RNF2: variants seen among roughly 807,000 people sequenced by gnomAD.
RNF2 encodes the protein ring finger protein 2.
Under a neutral mutation model 37.2 loss-of-function variants are expected in RNF2, and 6 were observed. The ratio of observed to expected loss-of-function variants is 0.16; its 90% CI spans 0.09 to 0.32. RNF2 has a LOEUF of 0.32. RNF2 is among the 10% of genes least tolerant of loss of function. The probability of loss-of-function intolerance (pLI) is 1.00; values close to 1 mark genes in which losing one functional copy is unlikely to be tolerated. For synonymous variants in RNF2, 133 were observed against 132.7 expected (o/e 1.00, Z -0.02); for missense variants, 251 against 404.0 (o/e 0.62, Z 3.25).
chr1:185,100,005 T>A (rs766497806), intron 6 of RNF2, 43 bp downstream of exon 6: 7 of 1,557,920 alleles, frequency 4.5e-6, no homozygotes, highest in Non-Finnish European at 5.3e-6. Flanking sequence ...GGGAGCACAC[T>A]GACCAACTAA....
Position 185,099,705 on chromosome 1 carries a change from A to G in RNF2, c.738-86A>G, listed in dbSNP as rs139575368. The G allele has an allele frequency of 4.0e-5, 45 of 1,112,192 alleles. No homozygotes were observed. The African/African-American group carries it at 7.2e-4, about 18-fold the overall frequency. The allele number at this position is 1,112,192 out of a possible 1,614,324, so 68.9% of individuals were successfully genotyped here. ...GACATTGCCATTTTACTTAGTTTTT[A>G]AGAAATGTATTAGTTCCATAATTTA... On this transcript the variant is annotated intron_variant, in intron 5 of 6. Transcript: ENST00000367510.
chr1:185,096,729 A>C (rs1047414618), intron 4 of RNF2, among the ~76,000 whole-genome samples: 1 of 152,058 alleles, frequency 6.6e-6, no homozygotes, highest in African/African-American at 2.4e-5. Context: ...TTAGGACTGA[A>C]TAATCCATTG....
rs72637296 is a variant in RNF2 at position 185,067,600 on chromosome 1, A to G, written c.-2-19952A>G. Among the ~76,000 whole-genome samples the G allele has an allele frequency of 3.4e-3, 512 of 152,288 alleles. 22 individuals carry two copies. The East Asian group carries it at 0.088, about 26-fold the overall frequency. On this transcript the variant is annotated intron_variant, in intron 1 of 6. Transcript: ENST00000367510. ...AACATATCTCATTAAAAGAGAGAGA[A>G]GGCATCTTAGTTTTTCTTTGTTTCA...
intron 1 of RNF2, among the ~76,000 whole-genome samples, chr1:185,054,695 A>G (rs1209532163): frequency 6.6e-6 from 1 of 151,980 alleles, no homozygotes; most frequent in African/African-American, 2.4e-5. Context: ...GTTTTTTAAA[A>G]TTTTTTATTA....
At chr1:185,100,163 G>T in intron 6 of RNF2, 37 bp from the exon 7 acceptor site, 1 of 1,466,560 alleles carries the variant, frequency 6.8e-7, no homozygotes, top group Non-Finnish European at 9.3e-7. Flanking sequence ...TGTGGTTTGT[G>T]CAGTTTTCAT....
chr1:185,046,307 CAGG>C lies in RNF2; in HGVS notation c.-3+664_-3+666del, dbSNP rs1437375066. 5.2e-5 allele frequency: 8 copies of C among 152,412 alleles called. No homozygotes were observed. In the East Asian group the frequency reaches 1.4e-3, roughly 26 times the overall value. 9.4% of individuals were successfully genotyped at this position (152,412 alleles called of 1,614,324 possible). On this transcript the variant is annotated intron_variant, in intron 1 of 6. Transcript: ENST00000367510. ...TGCTTTCTAAAACCGTGAGCTTACCCAGGAGGAGTCGTGGGGGGAGGGGGTGTC... is the reference window on the plus strand; with the variant it reads ...TGCTTTCTAAAACCGTGAGCTTACCCAGGAGTCGTGGGGGGAGGGGGTGTC...
chr1:185,067,973 T>G (rs1392771160), intron 1 of RNF2, among the ~76,000 whole-genome samples: 1 of 149,222 alleles, frequency 6.7e-6, no homozygotes, highest in Non-Finnish European at 1.5e-5. Flanking sequence ...CCTTCCAAAG[T>G]GCTGGGATTA....
chr1:185,061,440 A>G (rs888163821), intron 1 of RNF2, among the ~76,000 whole-genome samples: 2 of 152,082 alleles, frequency 1.3e-5, no homozygotes, highest in African/African-American at 4.8e-5. Flanking sequence ...AACAAAAAAA[A>G]ACACACAAGA....
At chr1:185,079,887 G>A (rs543494201) in intron 1 of RNF2, among the ~76,000 whole-genome samples, 8 of 151,720 alleles carry the variant, frequency 5.3e-5, no homozygotes, top group Admixed American at 1.3e-4. Context: ...CTGAGATCGC[G>A]CCACTGCACT....
At chr1:185,071,151 C>G (rs188533849) in intron 1 of RNF2, among the ~76,000 whole-genome samples, 44 of 152,218 alleles carry the variant, frequency 2.9e-4, no homozygotes, top group African/African-American at 1.1e-3. Context: ...CTCAGTAAAT[C>G]TATACTTTAC....
At chr1:185,099,017 TGGGATTA>T (rs1219547651) in intron 5 of RNF2, among the ~76,000 whole-genome samples, 1 of 150,772 alleles carries the variant, frequency 6.6e-6, no homozygotes, top group Admixed American at 6.6e-5. Flanking sequence ...CCCAAAGTGC[TGGGATTA>T]TAGGCCCAAG....
chr1:185,075,194 G>T (rs926353122), intron 1 of RNF2, among the ~76,000 whole-genome samples: 1 of 151,874 alleles, frequency 6.6e-6, no homozygotes, highest in African/African-American at 2.4e-5. Context: ...GGTTTTCGCC[G>T]TGTTGGCCAG....
chr1:185,060,930 G>T (rs1650578310), intron 1 of RNF2, among the ~76,000 whole-genome samples: 1 of 152,104 alleles, frequency 6.6e-6, no homozygotes, highest in South Asian at 2.1e-4. Flanking sequence ...ACCAGCCTGG[G>T]CAACATAGCG....
chr1:185,056,768 G>A (rs940716264), intron 1 of RNF2, among the ~76,000 whole-genome samples: 1 of 151,754 alleles, frequency 6.6e-6, no homozygotes. Flanking sequence ...TAAGAATGGG[G>A]GTAAATTCAT....
chr1:185,047,300 T>C (rs1044144642), intron 1 of RNF2, among the ~76,000 whole-genome samples: 7 of 152,248 alleles, frequency 4.6e-5, no homozygotes, highest in African/African-American at 1.7e-4. Context: ...GTGTGTTGCA[T>C]AGAAAAATTT....
chr1:185,081,012 G>T (rs914594325), intron 1 of RNF2, among the ~76,000 whole-genome samples: 1 of 152,122 alleles, frequency 6.6e-6, no homozygotes, highest in African/African-American at 2.4e-5. Flanking sequence ...CTCCTGAGTA[G>T]TTTTGGTTCT....
At chr1:185,087,722 A>G (rs959051994) in intron 2 of RNF2, 82 bp downstream of exon 2, 4 of 956,900 alleles carry the variant, frequency 4.2e-6, no homozygotes, top group African/African-American at 1.6e-5. Context: ...CTTAAATAGA[A>G]CATAGAGTAA....
chr1:185,057,989 G>A (rs1480098000), intron 1 of RNF2, among the ~76,000 whole-genome samples: 1 of 152,148 alleles, frequency 6.6e-6, no homozygotes, highest in Admixed American at 6.5e-5. Flanking sequence ...GCCGGGCTTG[G>A]TGGTGCACAC....
chr1:185,095,525 G>A (rs922909607), intron 4 of RNF2, among the ~76,000 whole-genome samples: 2 of 152,060 alleles, frequency 1.3e-5, no homozygotes, highest in Non-Finnish European at 1.5e-5. Context: ...CCCATAGCAC[G>A]TATCACTCTC....
Sources: gnomAD v4.1 joint callset for allele counts (sites outside exome capture counted in the v4.1 genomes callset) on GRCh38, gnomAD v4.1.1 for gene constraint, MANE v1.5 for transcripts, NCBI Gene and HGNC (gene_info 2026-07-23, HGNC 2026-07-21) for gene names.